CREBL2: variants seen among roughly 807,000 people sequenced by gnomAD.
CREBL2 encodes the protein cAMP responsive element binding protein like 2.
Under a neutral mutation model 19.5 loss-of-function variants are expected in CREBL2, and 4 were observed. The ratio of observed to expected loss-of-function variants is 0.20; its 90% CI spans 0.10 to 0.47. CREBL2 has a LOEUF of 0.47. Ranked by LOEUF, CREBL2 falls within the 20% of genes least tolerant of loss-of-function variation. The pLI is 0.98. For synonymous variants in CREBL2, 42 were observed against 46.6 expected, an observed-to-expected ratio of 0.90 and a Z score of 0.40; for missense variants, 85 against 145.1, an observed-to-expected ratio of 0.59 and a Z score of 2.13.
chr12:12,643,690 G>GTCTAA lies in CREBL2; in HGVS notation c.*1694_*1695insTAATC, dbSNP rs1945544180. 6.6e-6 allele frequency: 1 copy of GTCTAA among 152,044 alleles called. No homozygotes were observed. Among genetic ancestry groups the GTCTAA allele is most frequent in the Admixed American group, 6.6e-5 (1 of 15,260 alleles). The allele number at this position is 152,044 out of a possible 1,614,324, so 9.4% of individuals were successfully genotyped here. A position where few individuals can be genotyped will look rare whatever the true frequency, so the allele number is the denominator to read the frequency against. On this transcript the variant is annotated 3_prime_UTR_variant, in exon 4 of 4. Coordinates refer to ENST00000228865, the MANE Select transcript of CREBL2 (RefSeq NM_001310.4). ...GTCTAGTCTAGTCTAGTCTAGTCTAGTCATGTGTGACTGTGTACTGAGATA... is the reference window on the plus strand; with the variant it reads ...GTCTAGTCTAGTCTAGTCTAGTCTAGTCTAATCATGTGTGACTGTGTACTGAGATA...
At chr12:12,633,172 G>A (rs1035162084) in intron 1 of CREBL2, among the ~76,000 whole-genome samples, 4 of 152,026 alleles carry the variant, frequency 2.6e-5, no homozygotes, top group Non-Finnish European at 5.9e-5. Context: ...CCTGACCTCA[G>A]GTGATCCACC....
chr12:12,624,046 T>G (rs1466196952), intron 1 of CREBL2, among the ~76,000 whole-genome samples: 1 of 152,208 alleles, frequency 6.6e-6, no homozygotes, highest in Non-Finnish European at 1.5e-5. Context: ...TGCCCCAGTC[T>G]GGACTTCCAG....
chr12:12,641,517 C>T (rs184564736), intron 3 of CREBL2, among the ~76,000 whole-genome samples: 2 of 151,986 alleles, frequency 1.3e-5, no homozygotes, highest in Admixed American at 6.6e-5. Context: ...CCATGTTGGC[C>T]AGGCTGGTCT....
rs78344138 is a variant in CREBL2 at position 12,624,623 on chromosome 12, C to T, written c.16-11154C>T. On this transcript the variant is annotated intron_variant, in intron 1 of 3. Transcript: ENST00000228865. Reference sequence around the variant, plus strand: ...GAACTTTATGCAGGCCCAATGGCAGCATCCAGGTAGGGGTGCCTGAGACTT... The same window carrying T: ...GAACTTTATGCAGGCCCAATGGCAGTATCCAGGTAGGGGTGCCTGAGACTT... 5.3e-5 allele frequency among the ~76,000 whole-genome samples: 8 copies of T among 152,290 alleles called. No homozygotes were observed. The East Asian group carries it at 1.5e-3, about 29-fold the overall frequency.
At chr12:12,632,152 A>G (rs1945446870) in intron 1 of CREBL2, among the ~76,000 whole-genome samples, 1 of 122,680 alleles carries the variant, frequency 8.2e-6, no homozygotes, top group Non-Finnish European at 1.6e-5. Flanking sequence ...ATCTCGGCTC[A>G]CTGCAAGCTC....
At chr12:12,613,382 C>T (rs760662060) in intron 1 of CREBL2, among the ~76,000 whole-genome samples, 1 of 152,212 alleles carries the variant, frequency 6.6e-6, no homozygotes, top group Non-Finnish European at 1.5e-5. Context: ...CAGTCTTTGG[C>T]ATACTCTTTA....
chr12:12,637,795 C>G, intron 3 of CREBL2, 81 bp downstream of exon 3: 4 of 1,411,366 alleles, frequency 2.8e-6, no homozygotes, highest in Non-Finnish European at 2.8e-6. Context: ...AATCCTAGCA[C>G]TTTGGGAGGC....
chr12:12,613,954 A>T (rs1305743316), intron 1 of CREBL2, among the ~76,000 whole-genome samples: 6 of 118,084 alleles, frequency 5.1e-5, no homozygotes, highest in East Asian at 2.4e-4. Context: ...TTCTTTGGGG[A>T]GGGGACATCA....
chr12:12,623,274 A>G (rs756331416), intron 1 of CREBL2, among the ~76,000 whole-genome samples: 6 of 152,130 alleles, frequency 3.9e-5, no homozygotes, highest in African/African-American at 7.2e-5. Flanking sequence ...GGGTTGCAAA[A>G]GAAGTAGAAA....
chr12:12,634,343 T>C (rs1349868976), intron 1 of CREBL2, among the ~76,000 whole-genome samples: 1 of 152,242 alleles, frequency 6.6e-6, no homozygotes, highest in Non-Finnish European at 1.5e-5. Context: ...GGCAGTCACC[T>C]AATAATTGTG....
intron 1 of CREBL2, among the ~76,000 whole-genome samples, chr12:12,616,642 T>C (rs1380611816): frequency 6.6e-6 from 1 of 152,228 alleles, no homozygotes; most frequent in Non-Finnish European, 1.5e-5. Context: ...AAACTGTCCT[T>C]ATATAAGGCT....
chr12:12,615,330 G>A (rs909906271), intron 1 of CREBL2: 2 of 150,428 alleles, frequency 1.3e-5, no homozygotes, highest in Non-Finnish European at 2.9e-5. Context: ...GAGATTACAG[G>A]CATGAGCACT....
chr12:12,621,070 TG>T (rs796363538), intron 1 of CREBL2, among the ~76,000 whole-genome samples: 40 of 152,356 alleles, frequency 2.6e-4, no homozygotes, highest in African/African-American at 7.7e-4. Context: ...GTAAGTATTT[TG>T]GTACAGCTAG....
chr12:12,627,533 G>C (rs1279948929), intron 1 of CREBL2, among the ~76,000 whole-genome samples: 1 of 152,180 alleles, frequency 6.6e-6, no homozygotes, highest in Admixed American at 6.5e-5. Flanking sequence ...AAGGCTATCA[G>C]TGTTGTACCG....
chr12:12,617,643 C>CTTTTTT lies in CREBL2; in HGVS notation c.15+5489_15+5494dup, dbSNP rs66943066. ...CCCTGAGATGCTCATTTTAGTAATT[C>CTTTTTT]TTTTTTTTTTTTTTTTTTTTTTTTT... On this transcript the variant is annotated intron_variant, in intron 1 of 3. Coordinates refer to ENST00000228865, the MANE Select transcript of CREBL2 (RefSeq NM_001310.4). Among the ~76,000 whole-genome samples, 16 of 38,750 alleles carry CTTTTTT rather than the reference C, an allele frequency of 4.1e-4. 2 individuals carry two copies. Among genetic ancestry groups the CTTTTTT allele is most frequent in the Non-Finnish European group, 5.9e-4 (11 of 18,560 alleles). The allele number at this position is 38,750 out of a possible 152,430, so 25.4% of individuals were successfully genotyped here.
chr12:12,627,319 C>T (rs563676555), intron 1 of CREBL2, among the ~76,000 whole-genome samples: 7 of 151,966 alleles, frequency 4.6e-5, no homozygotes, highest in East Asian at 1.9e-4. Context: ...TTAATTTTCC[C>T]GTAAACCTAA....
intron 1 of CREBL2, among the ~76,000 whole-genome samples, chr12:12,634,780 G>T (rs1271268516): frequency 2.0e-5 from 3 of 152,148 alleles, no homozygotes; most frequent in African/African-American, 7.2e-5. Context: ...ATGAGTCCAG[G>T]CACAATGGCT....
At chr12:12,638,165 G>T (rs181510862) in intron 3 of CREBL2, among the ~76,000 whole-genome samples, 134 of 152,196 alleles carry the variant, frequency 8.8e-4, no homozygotes, top group African/African-American at 3.1e-3. Context: ...TTCTGGCCAG[G>T]TGTGGTGGCT....
chr12:12,631,539 C>T (rs1260426241), intron 1 of CREBL2, among the ~76,000 whole-genome samples: 2 of 152,176 alleles, frequency 1.3e-5, no homozygotes, highest in South Asian at 4.1e-4. Context: ...TATTAATATG[C>T]TTCCTCACAG....
Sources: allele counts gnomAD v4.1 joint callset (sites outside exome capture counted in the v4.1 genomes callset), GRCh38; gene constraint gnomAD v4.1.1; transcripts MANE v1.5; gene names NCBI Gene and HGNC (gene_info 2026-07-23, HGNC 2026-07-21).